Variants in ARIH1 observed in about 807,000 individuals in gnomAD.
ARIH1 encodes ariadne RBR E3 ubiquitin protein ligase 1.
In ARIH1, 8 loss-of-function variants were observed where a neutral mutation model predicts 85.0. The ratio of observed to expected loss-of-function variants is 0.09; its 90% confidence interval spans 0.06 to 0.17. The LOEUF is 0.17. Ranked by LOEUF, ARIH1 falls within the 10% of genes least tolerant of loss-of-function variation. The pLI is 1.00. For synonymous variants in ARIH1, 238 were observed against 253.6 expected, an observed-to-expected ratio of 0.94 and a Z score of 0.59; for missense variants, 311 against 718.1, an observed-to-expected ratio of 0.43 and a Z score of 6.48.
chr15:72,525,127 G>A (rs1026817478), intron 2 of ARIH1, among the ~76,000 whole-genome samples: 2 of 152,152 alleles, frequency 1.3e-5, no homozygotes, highest in Non-Finnish European at 2.9e-5. Context: ...CTGAACTCAA[G>A]TGATCTGCCC....
intron 2 of ARIH1, among the ~76,000 whole-genome samples, chr15:72,535,336 A>G (rs558580160): frequency 2.0e-5 from 3 of 152,276 alleles, no homozygotes; most frequent in Non-Finnish European, 2.9e-5. Flanking sequence ...TTCTTCTCCC[A>G]TTCTTGCATG....
chr15:72,475,093 A>G, intron 1 of ARIH1, 79 bp downstream of exon 1: 1 of 1,527,406 alleles, frequency 6.5e-7, no homozygotes, highest in Non-Finnish European at 8.8e-7. Flanking sequence ...CCCGAGGGAC[A>G]GGCCTGGGCC....
chr15:72,496,100 G>T (rs1463816125), intron 1 of ARIH1, among the ~76,000 whole-genome samples: 1 of 151,932 alleles, frequency 6.6e-6, no homozygotes, highest in Non-Finnish European at 1.5e-5. Context: ...TTTGGAGATG[G>T]GGTCTGTTGC....
rs1480801856 is a variant in ARIH1, at chr15:72,580,989, G to GAGGT, written c.1476+2_1476+5dup. On this transcript the variant is annotated frameshift_variant and splice_region_variant, in exon 12 of 14. Coordinates refer to ENST00000379887, the MANE Select transcript of ARIH1 (RefSeq NM_005744.5). LOFTEE classifies it high-confidence loss of function. ...AAAGAATAACCAGTCCATTATCTTT[G>GAGGT]AGGTAGGAGTAGTTCTGGGTGAGGA... is the stretch of plus-strand genomic sequence containing the variant. 4 of 1,613,100 alleles carry GAGGT rather than the reference G, an allele frequency of 2.5e-6. No homozygotes were observed. In the East Asian group the frequency reaches 8.9e-5, roughly 36 times the overall value.
chr15:72,475,257 T>G, intron 1 of ARIH1: 1 of 824,772 alleles, frequency 1.2e-6, no homozygotes. Context: ...GGCGGAGGCC[T>G]TCGGTCGCCT....
In ARIH1 at chr15:72,474,400, G is replaced by A; in HGVS notation, c.-240G>A. The A allele has an allele frequency of 1.9e-6, 1 of 540,474 alleles. No individual in the cohort carries two copies. The highest frequency in any genetic ancestry group is 4.0e-5 in the East Asian group (1 of 24,722). The allele number at this position is 540,474 out of a possible 1,614,324, so 33.5% of individuals were successfully genotyped here. A position where few individuals can be genotyped will look rare whatever the true frequency, so the allele number is the denominator to read the frequency against. On this transcript the variant is annotated 5_prime_UTR_variant, in exon 1 of 14. Transcript: ENST00000379887. Reference sequence around the variant, plus strand: ...CTCTCGGAGGCCGGAGCGGAGCCGCGTCTGACTGAGGCGGGCAGCAAGCGG... The same window carrying A: ...CTCTCGGAGGCCGGAGCGGAGCCGCATCTGACTGAGGCGGGCAGCAAGCGG...
intron 1 of ARIH1, among the ~76,000 whole-genome samples, chr15:72,499,247 G>A (rs1488581384): frequency 3.3e-5 from 5 of 151,346 alleles, no homozygotes; most frequent in African/African-American, 1.2e-4. Flanking sequence ...AAGTGTTGGC[G>A]TGAGCCACTG....
chr15:72,552,949 A>G (rs1056555067), intron 3 of ARIH1, among the ~76,000 whole-genome samples: 2 of 151,806 alleles, frequency 1.3e-5, no homozygotes, highest in African/African-American at 4.8e-5. Context: ...TAATTTTTGT[A>G]TTTATAGTAG....
In ARIH1 at chr15:72,474,626, C is replaced by T. The variant is rs1438867364; in HGVS notation, c.-14C>T. The T allele has an allele frequency of 2.6e-6, 4 of 1,511,220 alleles. No homozygotes were observed. Among genetic ancestry groups the T allele is most frequent in the Admixed American group, 2.2e-5 (1 of 46,478 alleles). 93.6% of individuals were successfully genotyped at this position (1,511,220 alleles called of 1,614,324 possible). On this transcript the variant is annotated 5_prime_UTR_variant, in exon 1 of 14. Transcript: ENST00000379887. ...GCCTCGGCCAGCGTCCGCCGGGCCC[C>T]CGCGCGTCGCGCCATGGACTCGGAC...
At chr15:72,553,816 C>T (rs1257752886) in intron 3 of ARIH1, among the ~76,000 whole-genome samples, 1 of 152,166 alleles carries the variant, frequency 6.6e-6, no homozygotes. Context: ...ATTTGGGAGA[C>T]TGAGGCAGAA....
intron 1 of ARIH1, among the ~76,000 whole-genome samples, chr15:72,510,301 T>C (rs1291800613): frequency 6.6e-6 from 1 of 152,190 alleles, no homozygotes; most frequent in Non-Finnish European, 1.5e-5. Context: ...TGGATTTCAG[T>C]GTATCCGTTT....
At chr15:72,566,073 C>A (rs1227932655) in intron 7 of ARIH1, among the ~76,000 whole-genome samples, 1 of 152,026 alleles carries the variant, frequency 6.6e-6, no homozygotes, top group African/African-American at 2.4e-5. Context: ...TATACCTTGC[C>A]CAGTACCATT....
chr15:72,536,367 A>T (rs1355968776), intron 2 of ARIH1, among the ~76,000 whole-genome samples: 1 of 152,196 alleles, frequency 6.6e-6, no homozygotes, highest in Non-Finnish European at 1.5e-5. Flanking sequence ...CAGTGCTGGG[A>T]TACAGGCTCA....
At chr15:72,540,465 A>C (rs565352574) in intron 2 of ARIH1, among the ~76,000 whole-genome samples, 1 of 152,196 alleles carries the variant, frequency 6.6e-6, no homozygotes, top group South Asian at 2.1e-4. Flanking sequence ...CCAAATAAAC[A>C]TTGTGGAGTC....
At position 72,589,810 on chromosome 15, in the gene ARIH1, C is replaced by T. The variant is rs986534051; in HGVS notation, c.*6518C>T. On this transcript the variant is annotated 3_prime_UTR_variant, in exon 14 of 14. Transcript: ENST00000379887. ...TTAGTATTTACCAAATGCTTTGTTT[C>T]CATCTCGTTTATTTTTATTTTTTAT... 1 of 152,000 alleles carries T rather than the reference C, an allele frequency of 6.6e-6. No homozygotes were observed. The highest frequency in any genetic ancestry group is 6.6e-5 in the Admixed American group (1 of 15,240). 9.4% of individuals were successfully genotyped at this position (152,000 alleles called of 1,614,324 possible). A position where few individuals can be genotyped will look rare whatever the true frequency, so the allele number is the denominator to read the frequency against.
Position 72,588,421 on chromosome 15 carries a change from GATTATGATTTAATTGCTTTGGGTAGGC to G in ARIH1, c.*5132_*5158del, listed in dbSNP as rs1448717821. On this transcript the variant is annotated 3_prime_UTR_variant, in exon 14 of 14. Coordinates refer to ENST00000379887, the MANE Select transcript of ARIH1 (RefSeq NM_005744.5). The stretch of plus-strand genomic sequence containing the variant: ...TAGTGCCTGAGTGTTACTTTATGGA[GATTATGATTTAATTGCTTTGGGTAGGC>G]ATCAGTAATTTTTGTAAAGCCCTTT... The G allele has an allele frequency of 1.3e-5, 2 of 152,214 alleles. No homozygotes were observed. The highest frequency in any genetic ancestry group is 2.9e-5 in the Non-Finnish European group (2 of 68,040). The allele number at this position is 152,214 out of a possible 1,614,324, so 9.4% of individuals were successfully genotyped here.
intron 1 of ARIH1, 109 bp downstream of exon 1, chr15:72,475,123 G>A: frequency 6.8e-7 from 1 of 1,460,330 alleles, no homozygotes; most frequent in South Asian, 1.3e-5. Flanking sequence ...GCCTAGCCCG[G>A]TGCCTCCCGG....
At position 72,581,134 on chromosome 15, in the gene ARIH1, G is replaced by A; in HGVS notation, c.1476+143G>A. On this transcript the variant is annotated intron_variant, in intron 12 of 13. Transcript: ENST00000379887. ...GAATGTATTTATTACAAAGATACAAGAAATTTCTATTTCTTGTCCTAAATT... is the reference window on the plus strand; with the variant it reads ...GAATGTATTTATTACAAAGATACAAAAAATTTCTATTTCTTGTCCTAAATT... 7.6e-6 allele frequency: 7 copies of A among 917,850 alleles called. No homozygotes were observed. The South Asian group carries it at 1.3e-4, about 17-fold the overall frequency. 56.9% of individuals were successfully genotyped at this position (917,850 alleles called of 1,614,324 possible).
At chr15:72,533,701 G>A (rs1266347421) in intron 2 of ARIH1, among the ~76,000 whole-genome samples, 1 of 152,164 alleles carries the variant, frequency 6.6e-6, no homozygotes, top group Non-Finnish European at 1.5e-5. Context: ...GAGGCCAGGA[G>A]TTACAGATCA....
Sources: gnomAD v4.1 joint callset for allele counts (sites outside exome capture counted in the v4.1 genomes callset) on GRCh38, gnomAD v4.1.1 for gene constraint, MANE v1.5 for transcripts, NCBI Gene and HGNC (gene_info 2026-07-23, HGNC 2026-07-21) for gene names.